Variants in BNIP1 observed in about 807,000 individuals in gnomAD.
BNIP1 encodes the protein vesicle transport protein SEC20.
Under a neutral mutation model 28.5 loss-of-function variants are expected in BNIP1, and 25 were observed. The ratio of observed to expected loss-of-function variants is 0.88; its 90% CI spans 0.64 to 1.23. The LOEUF (loss-of-function observed/expected upper bound fraction) is 1.23, where lower values mean the gene tolerates loss of function less well. BNIP1 is among the 50% of genes most tolerant of loss of function. The pLI, the probability that BNIP1 is intolerant of heterozygous loss-of-function variation, is 0.00. For missense variants in BNIP1, 276 were observed against 277.0 expected, an observed-to-expected ratio of 1.00 and a Z score of 0.02; for synonymous variants, 118 against 101.7, an observed-to-expected ratio of 1.16 and a Z score of -0.96.
chr5:173,151,558 T>C (rs771041310), intron 2 of BNIP1: 1 of 1,583,364 alleles, frequency 6.3e-7, no homozygotes, highest in Non-Finnish European at 8.5e-7. Context: ...TTTTTTTTTT[T>C]TTTTTAGCCA....
intron 1 of BNIP1, 150 bp downstream of exon 1, chr5:173,144,779 A>G: frequency 2.5e-6 from 2 of 797,388 alleles, no homozygotes; most frequent in East Asian, 2.8e-5. Flanking sequence ...CCCGGTCCCC[A>G]TTTGGTTGTG....
chr5:173,144,826 G>T (rs907979869), intron 1 of BNIP1, 197 bp downstream of exon 1: 2 of 566,982 alleles, frequency 3.5e-6, no homozygotes, highest in Non-Finnish European at 6.2e-6. Flanking sequence ...TTTTCCGGGT[G>T]CCGCCGGATC....
intron 5 of BNIP1, chr5:173,160,920 G>A: frequency 2.2e-6 from 1 of 455,968 alleles, no homozygotes; most frequent in South Asian, 1.5e-5. Flanking sequence ...CCTCTGTGAT[G>A]GAGAAGAGTA....
At chr5:173,145,650 G>T (rs1316659843) in intron 1 of BNIP1, among the ~76,000 whole-genome samples, 1 of 152,200 alleles carries the variant, frequency 6.6e-6, no homozygotes, top group East Asian at 1.9e-4. Context: ...TGATCCGCCC[G>T]CCTCGGCCTC....
At chr5:173,149,227 G>C (rs1198036075) in intron 2 of BNIP1, among the ~76,000 whole-genome samples, 1 of 152,206 alleles carries the variant, frequency 6.6e-6, no homozygotes, top group South Asian at 2.1e-4. Context: ...AGACATACGT[G>C]AGACTGGGAA....
At chr5:173,158,590 C>T (rs1409482072) in intron 3 of BNIP1, among the ~76,000 whole-genome samples, 154 bp from the exon 4 acceptor site, 1 of 152,242 alleles carries the variant, frequency 6.6e-6, no homozygotes, top group Non-Finnish European at 1.5e-5. Flanking sequence ...GCTGGGGAAC[C>T]AGGAGGCGGA....
At chr5:173,156,544 C>G (rs895866687) in intron 3 of BNIP1, among the ~76,000 whole-genome samples, 3 of 151,634 alleles carry the variant, frequency 2.0e-5, no homozygotes, top group Non-Finnish European at 2.9e-5. Flanking sequence ...CTTGGGAGGC[C>G]AAGGCAGGAG....
At chr5:173,160,175 C>T (rs1427011058) in intron 5 of BNIP1, 124 bp downstream of exon 5, 7 of 819,432 alleles carry the variant, frequency 8.5e-6, no homozygotes, top group Non-Finnish European at 1.4e-5. Flanking sequence ...TGGGTGGCTT[C>T]TCCCTCATGA....
At chr5:173,151,213 ATTTTTCTTTT>A (rs900314054) in intron 2 of BNIP1, among the ~76,000 whole-genome samples, 10 of 151,370 alleles carry the variant, frequency 6.6e-5, no homozygotes, top group African/African-American at 9.7e-5. Flanking sequence ...GACTGTCCTC[ATTTTTCTTTT>A]TTTTTCTTTT....
At chr5:173,159,788 C>A in intron 4 of BNIP1, 145 bp from the exon 5 acceptor site, 1 of 749,872 alleles carries the variant, frequency 1.3e-6, no homozygotes, top group Non-Finnish European at 2.3e-6. Flanking sequence ...GGTCTCAGCA[C>A]ACCCTTTCCA....
At chr5:173,151,480 C>T (rs1760015985) in intron 2 of BNIP1, 1 of 1,389,968 alleles carries the variant, frequency 7.2e-7, no homozygotes, top group Non-Finnish European at 9.7e-7. Context: ...CTCAGCCTTC[C>T]AAAGTGTTGG....
At chr5:173,148,136 ATT>A (rs1561593551) in intron 2 of BNIP1, among the ~76,000 whole-genome samples, 26 of 97,290 alleles carry the variant, frequency 2.7e-4, no homozygotes, top group African/African-American at 9.8e-4. Context: ...ATATATATAT[ATT>A]TTAATAGAGA....
chr5:173,156,801 A>G (rs573985940), intron 3 of BNIP1, among the ~76,000 whole-genome samples: 43 of 151,556 alleles, frequency 2.8e-4, no homozygotes, highest in Non-Finnish European at 6.0e-4. Context: ...GGCACCCGCC[A>G]CCACGCCTGG....
At chr5:173,145,747 AAC>A (rs1759816949) in intron 1 of BNIP1, among the ~76,000 whole-genome samples, 1 of 152,202 alleles carries the variant, frequency 6.6e-6, no homozygotes. Context: ...AAAGTCACTA[AAC>A]ATTAGATGTA....
At chr5:173,154,153 C>G (rs1185407800) in intron 2 of BNIP1, among the ~76,000 whole-genome samples, 169 bp from the exon 3 acceptor site, 2 of 152,090 alleles carry the variant, frequency 1.3e-5, no homozygotes, top group African/African-American at 4.8e-5. Flanking sequence ...GTGGACTTAG[C>G]TATAGATTTA....
chr5:173,156,676 C>G (rs1482570370), intron 3 of BNIP1, among the ~76,000 whole-genome samples: 50 of 147,040 alleles, frequency 3.4e-4, no homozygotes, highest in Admixed American at 8.1e-4. Flanking sequence ...GAGACAGAGT[C>G]TCACTCTGTC....
chr5:173,156,355 A>C lies in BNIP1; in HGVS notation c.269+1942A>C, dbSNP rs1014206551. 2.6e-5 allele frequency among the ~76,000 whole-genome samples: 4 copies of C among 152,128 alleles called. 1 individual carries two copies. Among genetic ancestry groups the C allele is most frequent in the Non-Finnish European group, 5.9e-5 (4 of 68,032 alleles). ...AGAGCAGAGAAAGCTGTCAATTTATACTTTGGGGCTATGTGCAGTAGCTCA... is the reference window on the plus strand; with the variant it reads ...AGAGCAGAGAAAGCTGTCAATTTATCCTTTGGGGCTATGTGCAGTAGCTCA... On this transcript the variant is annotated intron_variant, in intron 3 of 5. Transcript: ENST00000351486.
chr5:173,154,300 A>C, intron 2 of BNIP1, 22 bp from the exon 3 acceptor site: 2 of 1,601,050 alleles, frequency 1.2e-6, no homozygotes, highest in Non-Finnish European at 1.7e-6. Flanking sequence ...TCATTTTAAC[A>C]TGGAATTATT....
At chr5:173,154,263 C>A in intron 2 of BNIP1, 59 bp from the exon 3 acceptor site, 1 of 1,509,998 alleles carries the variant, frequency 6.6e-7, no homozygotes, top group Non-Finnish European at 9.2e-7. Flanking sequence ...TAGAAATGCT[C>A]TTCTGCTTTC....
Sources: gnomAD v4.1 joint callset for allele counts (sites outside exome capture counted in the v4.1 genomes callset) on GRCh38, gnomAD v4.1.1 for gene constraint, MANE v1.5 for transcripts, NCBI Gene and HGNC (gene_info 2026-07-23, HGNC 2026-07-21) for gene names.